The following RAB17 variants were observed in gnomAD, a reference collection of about 807,000 sequenced individuals.
RAB17 encodes the protein ras-related protein Rab-17.
RAB17 carries 15 observed loss-of-function variants against 19.3 expected under a neutral mutation model. The observed-to-expected ratio is 0.78, with a 90% CI of 0.52 to 1.20. RAB17 has a LOEUF of 1.20. Among genes scored for constraint, RAB17 ranks in the 50% most tolerant of loss-of-function variants. The probability of loss-of-function intolerance (pLI) is 0.00; values close to 1 mark genes in which losing one functional copy is unlikely to be tolerated. For synonymous variants in RAB17, 110 were observed against 112.8 expected (o/e 0.97, Z 0.16); for missense variants, 262 against 269.3 (o/e 0.97, Z 0.19).
chr2:237,574,697 T>C lies in RAB17; in HGVS notation c.*322A>G, dbSNP rs1157812629. On this transcript the variant is annotated 3_prime_UTR_variant, in exon 6 of 6. Transcript: ENST00000264601. The stretch of plus-strand genomic sequence containing the variant: ...CCACCGTCGCTGTGCTGCGGGGACT[T>C]TTCCAATCCTTCCTTCCTCTCTGTC... The C allele has an allele frequency of 4.2e-6, 6 of 1,427,150 alleles. No individual in the cohort carries two copies. In the African/African-American group the frequency reaches 8.7e-5, roughly 21 times the overall value. 88.4% of individuals were successfully genotyped at this position (1,427,150 alleles called of 1,614,324 possible).
At chr2:237,576,844 G>A (rs1234727667) in intron 4 of RAB17, among the ~76,000 whole-genome samples, 1 of 152,168 alleles carries the variant, frequency 6.6e-6, no homozygotes, top group Non-Finnish European at 1.5e-5. Flanking sequence ...GTAGGGAAGG[G>A]AGCCCTGCTG....
rs541460816 is a variant in RAB17 at position 237,585,984 on chromosome 2, C to G, written c.157+14G>C. 1.3e-6 allele frequency: 2 copies of G among 1,589,380 alleles called. No individual in the cohort carries two copies. The highest frequency in any genetic ancestry group is 1.7e-6 in the Non-Finnish European group (2 of 1,167,544). On this transcript the variant is annotated intron_variant, in intron 2 of 5. Transcript: ENST00000264601. ...CACTGAAGACCAACAAAGGGGTGCT[C>G]TGCCCTCACTTACAGCCCACCGTAG...
chr2:237,586,110 G>C lies in RAB17; in HGVS notation c.45C>G (p.Ser15Arg), dbSNP rs748835436. 7.4e-6 allele frequency: 12 copies of C among 1,611,870 alleles called. No individual in the cohort carries two copies. The Admixed American group carries it at 1.8e-4, about 25-fold the overall frequency. Residue 15 changes from serine (S) to arginine (R), a missense_variant, in exon 2 of 6, where the codon AGC becomes AGG. Coordinates refer to ENST00000264601, the MANE Select transcript of RAB17 (RefSeq NM_022449.4). ...GAACCAGCTTGAACACACGGGGCTG[G>C]CTGGGGGCAGCCCTGGGCTGGGGGG... is the stretch of plus-strand genomic sequence containing the variant. ...HRTPQPRAAP[S>R]QPRVFKLVLL...
intron 3 of RAB17, 117 bp from the exon 4 acceptor site, chr2:237,577,499 T>A: frequency 8.1e-7 from 1 of 1,235,044 alleles, no homozygotes; most frequent in Non-Finnish European, 1.1e-6. Flanking sequence ...AGAATCCAAC[T>A]GGCCATGGGC....
At position 237,574,446 on chromosome 2, in the gene RAB17, C is replaced by A. The variant is rs896566726; in HGVS notation, c.*573G>T. 2.6e-6 allele frequency: 4 copies of A among 1,550,004 alleles called. No individual in the cohort carries two copies. In the African/African-American group the frequency reaches 5.5e-5, roughly 21 times the overall value. ...CAGAAACTCAGCTTCACCACATTGC[C>A]AGCCGGGAGACCATGGAAGGGAACT... On this transcript the variant is annotated 3_prime_UTR_variant, in exon 6 of 6. Transcript: ENST00000264601.
intron 5 of RAB17, 84 bp from the exon 6 acceptor site, chr2:237,575,212 C>T: frequency 1.7e-6 from 2 of 1,202,984 alleles, no homozygotes; most frequent in Non-Finnish European, 2.4e-6. Context: ...ACCCCAGGAC[C>T]CGCCCCTCCT....
At chr2:237,575,189 C>G in intron 5 of RAB17, 61 bp from the exon 6 acceptor site, 1 of 1,425,870 alleles carries the variant, frequency 7.0e-7, no homozygotes, top group African/African-American at 1.4e-5. Context: ...CAGCACAGCC[C>G]TGCAGACCAG....
intron 4 of RAB17, chr2:237,576,709 G>A (rs1243577107): frequency 1.5e-5 from 7 of 471,122 alleles, no homozygotes; most frequent in Non-Finnish European, 3.1e-5. Context: ...GGTGGGGGAG[G>A]TGGGATGCCG....
At chr2:237,580,086 C>T (rs970795369) in intron 2 of RAB17, among the ~76,000 whole-genome samples, 7 of 152,204 alleles carry the variant, frequency 4.6e-5, no homozygotes, top group African/African-American at 1.7e-4. Context: ...AAATGTACAC[C>T]CATCAGCTGA....
At position 237,574,361 on chromosome 2, in the gene RAB17, G is replaced by A; in HGVS notation, c.*658C>T. ...CAATTTAATTTTTGGAGGAAAAACTGCATACGCAGTACAACTTATATCTCA... is the reference window on the plus strand; with the variant it reads ...CAATTTAATTTTTGGAGGAAAAACTACATACGCAGTACAACTTATATCTCA... On this transcript the variant is annotated 3_prime_UTR_variant, in exon 6 of 6. Transcript: ENST00000264601. 1 of 1,463,856 alleles carries A rather than the reference G, an allele frequency of 6.8e-7. No individual in the cohort carries two copies. Among genetic ancestry groups the A allele is most frequent in the Non-Finnish European group, 9.0e-7 (1 of 1,107,286 alleles). 90.7% of individuals were successfully genotyped at this position (1,463,856 alleles called of 1,614,324 possible).
intron 2 of RAB17, among the ~76,000 whole-genome samples, chr2:237,584,706 C>G (rs1441265664): frequency 1.3e-5 from 2 of 152,192 alleles, no homozygotes; most frequent in Non-Finnish European, 2.9e-5. Context: ...CACCCAGGTA[C>G]AAAGCTCTCA....
At position 237,581,336 on chromosome 2, in the gene RAB17, C is replaced by T. The variant is rs191757579; in HGVS notation, c.158-3181G>A. 8.2e-3 allele frequency among the ~76,000 whole-genome samples: 1,230 copies of T among 150,838 alleles called. 11 individuals carry two copies. The highest frequency in any genetic ancestry group is 0.028 in the African/African-American group (1,167 of 41,000). ...CTACAGTGAGCTGTGATCATACCAC[C>T]ACACTCCAGCCTGGGCAACAGAATG... On this transcript the variant is annotated intron_variant, in intron 2 of 5. Transcript: ENST00000264601.
rs2081249064 is a variant in RAB17, at chr2:237,574,965, G to A, written c.*54C>T. ...AGTGAATCAGAATCCACCTAGAGCT[G>A]GCCATGGCCCAGGCAGGGGGTGTCT... On this transcript the variant is annotated 3_prime_UTR_variant, in exon 6 of 6. Transcript: ENST00000264601. 1.0e-5 allele frequency: 14 copies of A among 1,342,718 alleles called. No individual in the cohort carries two copies. The South Asian group carries it at 1.8e-4, about 18-fold the overall frequency. 83.2% of individuals were successfully genotyped at this position (1,342,718 alleles called of 1,614,324 possible).
chr2:237,578,266 G>C, intron 2 of RAB17, 111 bp from the exon 3 acceptor site: 1 of 1,093,610 alleles, frequency 9.1e-7, no homozygotes. Flanking sequence ...GGGACAGCTG[G>C]CCATGCATCT....
At chr2:237,586,729 G>A (rs532597352) in intron 1 of RAB17, among the ~76,000 whole-genome samples, 5 of 152,166 alleles carry the variant, frequency 3.3e-5, no homozygotes, top group African/African-American at 4.8e-5. Flanking sequence ...CAAAATAAAC[G>A]TGGGCGACCC....
intron 5 of RAB17, 40 bp downstream of exon 5, chr2:237,575,347 A>G: frequency 6.6e-7 from 1 of 1,524,680 alleles, no homozygotes; most frequent in Non-Finnish European, 9.0e-7. Context: ...GTCAGGGACA[A>G]GCACCTCCCC....
chr2:237,575,454 C>T lies in RAB17; in HGVS notation c.462G>A (p.Gln154=). ...CCGAAGTTTCCATGAACAGCAACTT[C>T]TGGCTGTCGGCAAACTCCTTCCCTT... ...FQEGKEFADS[Q]KLLFMETSAK... The change falls in exon 5 of 6, where the codon CAG becomes CAA. Residue 154 remains glutamine (Q), a synonymous_variant. Transcript: ENST00000264601. 6.2e-7 allele frequency: 1 copy of T among 1,611,996 alleles called. No individual in the cohort carries two copies. Among genetic ancestry groups the T allele is most frequent in the South Asian group, 1.1e-5 (1 of 90,576 alleles).
Position 237,575,084 on chromosome 2 carries a change from G to A in RAB17, c.574C>T (p.Arg192Trp), listed in dbSNP as rs200880823. Residue 192 changes from arginine (R) to tryptophan (W), a missense_variant, in exon 6 of 6, where the codon CGG becomes TGG. Physicochemically the swap from Arg to Trp is moderately radical, Grantham distance 101. Transcript: ENST00000264601. ...QRSDEEGQAL[R>W]GDAAVALNKG... ...TTCAGAGCCACAGCTGCATCCCCCC[G>A]TAGAGCCTGGCCCTCCTCGTCGCTT... The A allele has an allele frequency of 5.5e-5, 88 of 1,613,592 alleles. No homozygotes were observed. The highest frequency in any genetic ancestry group is 4.9e-5 in the Non-Finnish European group (58 of 1,179,904).
At position 237,587,252 on chromosome 2, in the gene RAB17, A is replaced by G. The variant is rs556052292; in HGVS notation, c.-3-1095T>C. Among the ~76,000 whole-genome samples the G allele has an allele frequency of 1.1e-4, 16 of 152,344 alleles. 1 individual carries two copies. In the South Asian group the frequency reaches 3.3e-3, roughly 32 times the overall value. On this transcript the variant is annotated intron_variant, in intron 1 of 5. Coordinates refer to ENST00000264601, the MANE Select transcript of RAB17 (RefSeq NM_022449.4). ...TTTACTAAGGGGTTGCAAAATGGTG[A>G]CATTCTAATAATGTTCTAATGTTAT...
Sources: allele counts gnomAD v4.1 joint callset (sites outside exome capture counted in the v4.1 genomes callset), GRCh38; gene constraint gnomAD v4.1.1; transcripts MANE v1.5; gene names NCBI Gene and HGNC (gene_info 2026-07-23, HGNC 2026-07-21).